The following GTF3C4 variants were observed in gnomAD, a reference collection of about 807,000 sequenced individuals.
GTF3C4 encodes the protein general transcription factor 3C polypeptide 4.
Under a neutral mutation model 67.5 loss-of-function variants are expected in GTF3C4, and 28 were observed. That is an observed-to-expected ratio of 0.41 (90% CI 0.31 to 0.57). GTF3C4 has a LOEUF of 0.57. GTF3C4 is among the 20% of genes least tolerant of loss of function. GTF3C4 has a pLI of 0.21. For synonymous variants in GTF3C4, 409 were observed against 393.0 expected, an observed-to-expected ratio of 1.04 and a Z score of -0.48; for missense variants, 831 against 1,033.2, an observed-to-expected ratio of 0.80 and a Z score of 2.68.
intron 3 of GTF3C4, among the ~76,000 whole-genome samples, chr9:132,686,191 C>T (rs1836024893): frequency 6.6e-6 from 1 of 152,192 alleles, no homozygotes; most frequent in African/African-American, 2.4e-5. Context: ...TGGCATAGCT[C>T]AGAACCTGAC....
Position 132,678,607 on chromosome 9 carries a change from G to T in GTF3C4, c.988G>T (p.Gly330Cys). The T allele has an allele frequency of 6.2e-7, 1 of 1,614,100 alleles. No homozygotes were observed. Among genetic ancestry groups the T allele is most frequent in the Non-Finnish European group, 8.5e-7 (1 of 1,179,998 alleles). The change falls in exon 2 of 5, where the codon GGC becomes TGC. Residue 330 changes from glycine (G) to cysteine (C), a missense_variant. By Grantham distance (159) the Gly-to-Cys change is radical. Transcript: ENST00000372146. This position sits in a 1 kb window ranked among gnomAD's most constrained non-coding sequence, Gnocchi z 6.5. The stretch of plus-strand genomic sequence containing the variant: ...TGAGCACAATAATCGAAAAATGAGT[G>T]GCCTTATTGTGGGGAGTGCTTTTGG... The part of the protein sequence containing the change: ...EYEHNNRKMS[G>C]LIVGSAFGPI...
At chr9:132,680,179 G>A (rs930148594) in intron 2 of GTF3C4, among the ~76,000 whole-genome samples, 1 of 152,058 alleles carries the variant, frequency 6.6e-6, no homozygotes, top group Non-Finnish European at 1.5e-5. Flanking sequence ...GTATGGGAGG[G>A]GTGTAGTGAC....
chr9:132,682,851 G>A (rs1290974238), intron 2 of GTF3C4, among the ~76,000 whole-genome samples: 2 of 151,984 alleles, frequency 1.3e-5, no homozygotes, highest in Non-Finnish European at 2.9e-5. Context: ...TGATCCACCC[G>A]CCTTGGCCTC....
chr9:132,690,273 G>T lies in GTF3C4; in HGVS notation c.*1328G>T, dbSNP rs143958543. 6.6e-6 allele frequency: 1 copy of T among 152,154 alleles called. No homozygotes were observed. The highest frequency in any genetic ancestry group is 2.4e-5 in the African/African-American group (1 of 41,404). 9.4% of individuals were successfully genotyped at this position (152,154 alleles called of 1,614,324 possible). A position where few individuals can be genotyped will look rare whatever the true frequency, so the allele number is the denominator to read the frequency against. ...AGCCTGGGCAATATGGCGAGACTCC[G>T]TCTCTACTACAAATACAAAAGTTAG... On this transcript the variant is annotated 3_prime_UTR_variant, in exon 5 of 5. Coordinates refer to ENST00000372146, the MANE Select transcript of GTF3C4 (RefSeq NM_012204.4).
At position 132,693,515 on chromosome 9, in the gene GTF3C4, CA is replaced by C. The variant is rs1836150797; in HGVS notation, c.*4571del. ...TGACGAAAGTGTAAGATTATACTCT[CA>C]TGCTAAAATAAGGTATAGGCTAAGT... On this transcript the variant is annotated 3_prime_UTR_variant, in exon 5 of 5. Coordinates refer to ENST00000372146, the MANE Select transcript of GTF3C4 (RefSeq NM_012204.4). 1 of 152,128 alleles carries C rather than the reference CA, an allele frequency of 6.6e-6. No individual in the cohort carries two copies. Among genetic ancestry groups the C allele is most frequent in the Non-Finnish European group, 1.5e-5 (1 of 68,026 alleles). The allele number at this position is 152,128 out of a possible 1,614,324, so 9.4% of individuals were successfully genotyped here. A position where few individuals can be genotyped will look rare whatever the true frequency, so the allele number is the denominator to read the frequency against.
intron 1 of GTF3C4, among the ~76,000 whole-genome samples, chr9:132,674,295 A>C (rs1192530548): frequency 6.6e-6 from 1 of 152,260 alleles, no homozygotes; most frequent in Non-Finnish European, 1.5e-5. Context: ...TGGGAGCTGG[A>C]CTTTTTAAGT....
chr9:132,678,177 C>G lies in GTF3C4; in HGVS notation c.558C>G (p.Thr186=), dbSNP rs1835890077. 1 of 1,614,206 alleles carries G rather than the reference C, an allele frequency of 6.2e-7. No homozygotes were observed. The highest frequency in any genetic ancestry group is 8.5e-7 in the Non-Finnish European group (1 of 1,180,024). ...ANGRCLLAAL[T]MDNRLTIQAN... Reference sequence around the variant, plus strand: ...GCAGGTGCCTCTTGGCAGCACTGACCATGGACAATCGCCTGACCATCCAGG... The same window carrying G: ...GCAGGTGCCTCTTGGCAGCACTGACGATGGACAATCGCCTGACCATCCAGG... The change falls in exon 2 of 5, where the codon ACC becomes ACG. Residue 186 remains threonine, a synonymous_variant. Coordinates refer to ENST00000372146, the MANE Select transcript of GTF3C4 (RefSeq NM_012204.4). This position sits in a 1 kb window ranked among gnomAD's most constrained non-coding sequence, Gnocchi z 6.5.
Position 132,689,505 on chromosome 9 carries a change from G to A in GTF3C4, c.*560G>A, listed in dbSNP as rs1836080677. 6.6e-6 allele frequency: 1 copy of A among 152,466 alleles called. No individual in the cohort carries two copies. Among genetic ancestry groups the A allele is most frequent in the Non-Finnish European group, 1.5e-5 (1 of 68,270 alleles). The allele number at this position is 152,466 out of a possible 1,614,324, so 9.4% of individuals were successfully genotyped here. A position where few individuals can be genotyped will look rare whatever the true frequency, so the allele number is the denominator to read the frequency against. On this transcript the variant is annotated 3_prime_UTR_variant, in exon 5 of 5. Transcript: ENST00000372146. ...GCATCCCTCCATTCTTGTTTTTTATGCATATGGAAAACATTTTCCTAAAAC... is the reference window on the plus strand; with the variant it reads ...GCATCCCTCCATTCTTGTTTTTTATACATATGGAAAACATTTTCCTAAAAC...
At chr9:132,677,784 T>G (rs1460033519) in intron 1 of GTF3C4, among the ~76,000 whole-genome samples, 193 bp from the exon 2 acceptor site, 2 of 152,220 alleles carry the variant, frequency 1.3e-5, no homozygotes, top group African/African-American at 4.8e-5. Context: ...GTTAACACCT[T>G]TTTTGTTTTG....
intron 1 of GTF3C4, among the ~76,000 whole-genome samples, chr9:132,671,314 G>C (rs533073710): frequency 5.9e-5 from 9 of 152,238 alleles, no homozygotes; most frequent in Non-Finnish European, 7.4e-5. Context: ...GATCCAACCC[G>C]GGGCCTGCCT....
At position 132,678,930 on chromosome 9, in the gene GTF3C4, A is replaced by G; in HGVS notation, c.1311A>G (p.Thr437=). 1 of 1,614,250 alleles carries G rather than the reference A, an allele frequency of 6.2e-7. No individual in the cohort carries two copies. The change falls in exon 2 of 5, where the codon ACA becomes ACG. Residue 437 remains threonine (T), a synonymous_variant. Coordinates refer to ENST00000372146, the MANE Select transcript of GTF3C4 (RefSeq NM_012204.4). This position sits in a 1 kb window ranked among gnomAD's most constrained non-coding sequence, Gnocchi z 6.5. ...TGACTGCAGACAAACAGAATGGAAC[A>G]GTCTATACTTGCTCCAGTGACGGAA... ...VSMTADKQNG[T]VYTCSSDGKV...
At position 132,678,510 on chromosome 9, in the gene GTF3C4, A is replaced by G. The variant is rs771386434; in HGVS notation, c.891A>G (p.Lys297=). 6.2e-7 allele frequency: 1 copy of G among 1,614,230 alleles called. No individual in the cohort carries two copies. The highest frequency in any genetic ancestry group is 1.1e-5 in the South Asian group (1 of 91,088). ...AGTTTCAGCTGCCGTTTGTAGGAAA[A>G]GAATCCATCTCTTCATGCAACACAA... ...VWQFQLPFVG[K]ESISSCNTIE... The change falls in exon 2 of 5, where the codon AAA becomes AAG. Residue 297 remains lysine, a synonymous_variant. Transcript: ENST00000372146. The surrounding 1 kb of genome is among the most constrained non-coding windows in gnomAD (Gnocchi z 6.5).
chr9:132,671,171 C>T (rs1305880356), intron 1 of GTF3C4, among the ~76,000 whole-genome samples: 3 of 152,306 alleles, frequency 2.0e-5, no homozygotes, highest in East Asian at 3.9e-4. Context: ...AGGTCACCCG[C>T]CGCCGCAAAC....
intron 2 of GTF3C4, among the ~76,000 whole-genome samples, chr9:132,682,127 T>C (rs2130899431): frequency 6.6e-6 from 1 of 151,758 alleles, no homozygotes; most frequent in Non-Finnish European, 1.5e-5. Flanking sequence ...AAAATAGAGG[T>C]ATGTATGGGA....
rs1261921431 is a variant in GTF3C4 at position 132,679,552 on chromosome 9, G to A, written c.1933G>A (p.Val645Ile). The change falls in exon 2 of 5, where the codon GTA (valine) becomes ATA (isoleucine). Residue 645 changes from valine (V) to isoleucine (I), a missense_variant. Val to Ile is a conservative substitution (Grantham distance 29). Coordinates refer to ENST00000372146, the MANE Select transcript of GTF3C4 (RefSeq NM_012204.4). This position sits in a 1 kb window ranked among gnomAD's most constrained non-coding sequence, Gnocchi z 5.9. Reference protein sequence around the residue: ...GLQERSKEGDVEEPTDDSLPT... With the variant: ...GLQERSKEGDIEEPTDDSLPT... ...GCAGGAGAGGAGCAAGGAAGGAGAT[G>A]TAGAGGAGCCCACTGATGACTCGCT... The A allele has an allele frequency of 9.3e-6, 15 of 1,614,052 alleles. No individual in the cohort carries two copies. Among genetic ancestry groups the A allele is most frequent in the Non-Finnish European group, 3.4e-6 (4 of 1,180,048 alleles).
intron 1 of GTF3C4, among the ~76,000 whole-genome samples, chr9:132,672,551 T>C (rs1835801023): frequency 6.6e-6 from 1 of 152,212 alleles, no homozygotes; most frequent in South Asian, 2.1e-4. Context: ...TGAGCTCAAG[T>C]AGGTCTTCTA....
At chr9:132,671,686 C>T (rs1340863462) in intron 1 of GTF3C4, among the ~76,000 whole-genome samples, 1 of 151,050 alleles carries the variant, frequency 6.6e-6, no homozygotes, top group Non-Finnish European at 1.5e-5. Flanking sequence ...TCCATATATC[C>T]TTGATAGAGG....
At chr9:132,675,895 CT>C (rs72145516) in intron 1 of GTF3C4, among the ~76,000 whole-genome samples, 10,845 of 88,280 alleles carry the variant, frequency 0.12, 215 homozygotes, top group East Asian at 0.26. Context: ...TCCAGTTACC[CT>C]TTTTTTTTTT....
In GTF3C4 at chr9:132,679,624, C is replaced by T. The variant is rs1345097639; in HGVS notation, c.2005C>T (p.Leu669Phe). The T allele has an allele frequency of 1.2e-6, 2 of 1,614,022 alleles. No individual in the cohort carries two copies. Among genetic ancestry groups the T allele is most frequent in the Non-Finnish European group, 1.7e-6 (2 of 1,180,022 alleles). The change falls in exon 2 of 5, where the codon CTC (leucine) becomes TTC (phenylalanine). Residue 669 changes from leucine (L) to phenylalanine (F), a missense_variant. Around this residue, in one of 4 missense-constraint regions of GTF3C4, gnomAD observed 129 missense variants for 213.8 expected, o/e 0.60. Transcript: ENST00000372146. This position sits in a 1 kb window ranked among gnomAD's most constrained non-coding sequence, Gnocchi z 5.9. ...AGGCCGTGAGCCAATGGAAGAGAAA[C>T]TCCTGGAAATCCAAGGGAAAATCGA... ...AGGREPMEEK[L>F]LEIQGKIEAV...
Sources: gnomAD v4.1 joint callset for allele counts (sites outside exome capture counted in the v4.1 genomes callset) on GRCh38, gnomAD v4.1.1 for gene constraint, gnomAD v4.1.1 regional missense constraint, Gnocchi (gnomAD v3.1) non-coding constraint, MANE v1.5 for transcripts, NCBI Gene and HGNC (gene_info 2026-07-23, HGNC 2026-07-21) for gene names.